Variants in SPIN1 observed in about 807,000 individuals in gnomAD.
SPIN1 encodes the protein spindlin-1.
SPIN1 carries 3 observed loss-of-function variants against 26.0 expected under a neutral mutation model. The ratio of observed to expected loss-of-function variants is 0.12; its 90% confidence interval spans 0.05 to 0.30. The LOEUF (loss-of-function observed/expected upper bound fraction) is 0.30. Ranked by LOEUF, SPIN1 falls within the 10% of genes least tolerant of loss-of-function variation. The pLI, the probability that SPIN1 is intolerant of heterozygous loss-of-function variation, is 1.00. For synonymous variants in SPIN1, 101 were observed against 116.5 expected (o/e 0.87, Z 0.86); for missense variants, 126 against 333.4 (o/e 0.38, Z 4.84).
chr9:88,437,500 GAA>G (rs1019120680), intron 2 of SPIN1, among the ~76,000 whole-genome samples: 1 of 130,124 alleles, frequency 7.7e-6, no homozygotes, highest in African/African-American at 2.9e-5. Context: ...CCTGTCTCAA[GAA>G]AAAAAAAAAA....
intron 2 of SPIN1, among the ~76,000 whole-genome samples, chr9:88,434,520 A>G (rs1213622323): frequency 2.0e-5 from 3 of 152,064 alleles, no homozygotes; most frequent in Admixed American, 6.5e-5. Context: ...GTGATGGGTG[A>G]TATAACTCCC....
At position 88,477,890 on chromosome 9, in the gene SPIN1, A is replaced by ATTTT. The variant is rs1333485516; in HGVS notation, c.*2613_*2614insTTTT. 1 of 152,194 alleles carries ATTTT rather than the reference A, an allele frequency of 6.6e-6. No homozygotes were observed. Among genetic ancestry groups the ATTTT allele is most frequent in the African/African-American group, 2.4e-5 (1 of 41,442 alleles). The allele number at this position is 152,194 out of a possible 1,614,324, so 9.4% of individuals were successfully genotyped here. ...GCTGCCACGTAAAACTTCAGAGAAA[A>ATTTT]ATCTTAAAAGCAGACCATCCTTTTT... On this transcript the variant is annotated 3_prime_UTR_variant, in exon 6 of 6. Transcript: ENST00000375859.
intron 2 of SPIN1, among the ~76,000 whole-genome samples, chr9:88,447,079 C>T (rs1828265181): frequency 6.6e-6 from 1 of 152,110 alleles, no homozygotes; most frequent in South Asian, 2.1e-4. Context: ...TCCTAAAGGT[C>T]ACTGAGGTTG....
chr9:88,411,760 C>A (rs1028784231), intron 1 of SPIN1, among the ~76,000 whole-genome samples: 1 of 152,106 alleles, frequency 6.6e-6, no homozygotes, highest in African/African-American at 2.4e-5. Flanking sequence ...AGCAATCCTC[C>A]CTCCCTTGCC....
At chr9:88,466,443 G>A (rs1424484647) in intron 4 of SPIN1, among the ~76,000 whole-genome samples, 1 of 152,002 alleles carries the variant, frequency 6.6e-6, no homozygotes, top group Non-Finnish European at 1.5e-5. Context: ...GATGTGAGTC[G>A]CTGTGCCCAG....
In SPIN1 at chr9:88,426,546, A is replaced by G; in HGVS notation, c.7A>G (p.Thr3Ala). Residue 3 changes from threonine (T) to alanine (A), a missense_variant, in exon 2 of 6, where the codon ACC becomes GCC. Thr to Ala is a moderately conservative substitution (Grantham distance 58, BLOSUM62 0). This residue lies in a region of SPIN1 where 63 missense variants were observed against 101.3 expected (regional missense o/e 0.62). Transcript: ENST00000375859. ...CTCACTTAAATACAGATGAATGAAGACCCCATTCGGAAAGACACCTGGCCA... is the reference window on the plus strand; with the variant it reads ...CTCACTTAAATACAGATGAATGAAGGCCCCATTCGGAAAGACACCTGGCCA... MK[T>A]PFGKTPGQRS... 1.2e-6 allele frequency: 2 copies of G among 1,613,560 alleles called. No individual in the cohort carries two copies. The highest frequency in any genetic ancestry group is 1.7e-6 in the Non-Finnish European group (2 of 1,179,658).
intron 3 of SPIN1, among the ~76,000 whole-genome samples, chr9:88,455,653 A>G (rs1472958088): frequency 1.3e-5 from 2 of 152,148 alleles, no homozygotes; most frequent in Admixed American, 1.3e-4. Flanking sequence ...TTTTCATGTC[A>G]TATTTTTTAC....
At chr9:88,398,164 C>CA in intron 1 of SPIN1, among the ~76,000 whole-genome samples, 1 of 151,812 alleles carries the variant, frequency 6.6e-6, no homozygotes, top group South Asian at 2.1e-4. Context: ...TGAACTCAAG[C>CA]AGTGTACCTG....
At chr9:88,436,170 A>C (rs1827994640) in intron 2 of SPIN1, among the ~76,000 whole-genome samples, 1 of 152,110 alleles carries the variant, frequency 6.6e-6, no homozygotes, top group African/African-American at 2.4e-5. Context: ...CCTTGGTTCA[A>C]GTGATCCTCC....
chr9:88,406,940 C>G (rs775968572), intron 1 of SPIN1, among the ~76,000 whole-genome samples: 5 of 151,964 alleles, frequency 3.3e-5, no homozygotes, highest in Non-Finnish European at 7.4e-5. Flanking sequence ...TTTATCTTGA[C>G]AGGTTTAATT....
intron 5 of SPIN1, among the ~76,000 whole-genome samples, chr9:88,469,930 T>C (rs898219498): frequency 2.0e-5 from 3 of 151,610 alleles, no homozygotes; most frequent in African/African-American, 7.3e-5. Context: ...TTTTAGAACA[T>C]TGTCATCACC....
intron 2 of SPIN1, among the ~76,000 whole-genome samples, chr9:88,434,717 A>G (rs1827964599): frequency 6.6e-6 from 1 of 152,050 alleles, no homozygotes; most frequent in Non-Finnish European, 1.5e-5. Context: ...GGTATCCATT[A>G]TTACTGGACG....
intron 1 of SPIN1, among the ~76,000 whole-genome samples, chr9:88,425,387 A>G (rs1466469934): frequency 6.6e-6 from 1 of 152,042 alleles, no homozygotes; most frequent in Non-Finnish European, 1.5e-5. Context: ...TTAAAAGATG[A>G]CACTGCTTCT....
chr9:88,395,767 G>A (rs1456299861), intron 1 of SPIN1, among the ~76,000 whole-genome samples: 1 of 151,958 alleles, frequency 6.6e-6, no homozygotes, highest in Non-Finnish European at 1.5e-5. Context: ...TACATTTTCA[G>A]GCTCAGTGTG....
Position 88,426,191 on chromosome 9 carries a change from C to G in SPIN1, c.-158-191C>G, listed in dbSNP as rs532031235. On this transcript the variant is annotated intron_variant, in intron 1 of 5. Transcript: ENST00000375859. ...TCCCAGGCTTCTTTTTTTAAAGAGTCTATCACCTCTTTTTCTCCTTTCTAC... is the reference window on the plus strand; with the variant it reads ...TCCCAGGCTTCTTTTTTTAAAGAGTGTATCACCTCTTTTTCTCCTTTCTAC... 4.0e-3 allele frequency among the ~76,000 whole-genome samples: 615 copies of G among 152,230 alleles called. 5 individuals carry two copies. The highest frequency in any genetic ancestry group is 0.014 in the African/African-American group (590 of 41,534).
chr9:88,402,271 G>T (rs570135169), intron 1 of SPIN1, among the ~76,000 whole-genome samples: 4 of 152,284 alleles, frequency 2.6e-5, no homozygotes, highest in Admixed American at 2.0e-4. Flanking sequence ...GGGATTGCAG[G>T]TGTGAACTAC....
At chr9:88,407,951 CAGAT>C (rs1225319241) in intron 1 of SPIN1, among the ~76,000 whole-genome samples, 1 of 151,680 alleles carries the variant, frequency 6.6e-6, no homozygotes, top group African/African-American at 2.4e-5. Context: ...TTTGTACAGA[CAGAT>C]AGGGTTTCGC....
intron 1 of SPIN1, among the ~76,000 whole-genome samples, chr9:88,392,064 C>A (rs1420925397): frequency 2.0e-5 from 3 of 152,166 alleles, no homozygotes; most frequent in African/African-American, 4.8e-5. Flanking sequence ...TAAGTCTGTT[C>A]TGAGAATTAC....
intron 3 of SPIN1, among the ~76,000 whole-genome samples, chr9:88,453,714 C>T (rs1372892587): frequency 3.3e-5 from 5 of 152,032 alleles, no homozygotes; most frequent in Non-Finnish European, 5.9e-5. Flanking sequence ...TTGGTAGAGA[C>T]GGGGTTTCTC....
Sources: gnomAD v4.1 joint callset for allele counts (sites outside exome capture counted in the v4.1 genomes callset) on GRCh38, gnomAD v4.1.1 for gene constraint, gnomAD v4.1.1 regional missense constraint, MANE v1.5 for transcripts, NCBI Gene and HGNC (gene_info 2026-07-23, HGNC 2026-07-21) for gene names.